Variants in FAT3 observed in about 807,000 individuals in gnomAD.
The protein encoded by FAT3 is FAT atypical cadherin 3.
FAT3 carries 95 observed loss-of-function variants against 310.2 expected under a neutral mutation model. The observed-to-expected ratio is 0.31, with a 90% CI of 0.26 to 0.36. The LOEUF is 0.36. Among genes scored for constraint, FAT3 ranks in the 10% least tolerant of loss-of-function variants. The pLI is 1.00. For synonymous variants in FAT3, 2,314 were observed against 2,192.9 expected, an observed-to-expected ratio of 1.06 and a Z score of -1.54; for missense variants, 5,408 against 5,715.6, an observed-to-expected ratio of 0.95 and a Z score of 1.74.
intron 1 of FAT3, among the ~76,000 whole-genome samples, chr11:92,244,640 G>A (rs1163176644): frequency 6.6e-6 from 1 of 152,200 alleles, no homozygotes; most frequent in East Asian, 1.9e-4. Context: ...AAACTTTAAT[G>A]AGCATCAGAA....
intron 2 of FAT3, among the ~76,000 whole-genome samples, chr11:92,412,246 G>A (rs909082887): frequency 2.0e-5 from 3 of 151,756 alleles, no homozygotes; most frequent in African/African-American, 7.3e-5. Flanking sequence ...GGGATTACAG[G>A]TGCGTGCCAC....
intron 21 of FAT3, among the ~76,000 whole-genome samples, 183 bp downstream of exon 21, chr11:92,859,505 T>C (rs544936409): frequency 5.3e-5 from 8 of 152,280 alleles, no homozygotes; most frequent in Admixed American, 5.2e-4. Flanking sequence ...CTTTTGAACA[T>C]TCAGCTTCAA....
At chr11:92,721,200 C>G (rs1944848561) in intron 4 of FAT3, among the ~76,000 whole-genome samples, 1 of 152,062 alleles carries the variant, frequency 6.6e-6, no homozygotes, top group Non-Finnish European at 1.5e-5. Flanking sequence ...TATGGCAAAT[C>G]AGGATAATGC....
intron 2 of FAT3, among the ~76,000 whole-genome samples, chr11:92,514,311 T>C (rs1953405102): frequency 6.6e-6 from 1 of 152,092 alleles, no homozygotes; most frequent in Admixed American, 6.6e-5. Context: ...CAAATAAAGA[T>C]AAAAACAGAA....
chr11:92,339,761 T>G (rs1180597352), intron 1 of FAT3, among the ~76,000 whole-genome samples: 1 of 151,906 alleles, frequency 6.6e-6, no homozygotes, highest in African/African-American at 2.4e-5. Flanking sequence ...CCTGCTCTAC[T>G]AGGATCAAAA....
chr11:92,421,493 CT>C lies in FAT3; in HGVS notation c.3292+66090del, dbSNP rs1950532454. 2.0e-5 allele frequency among the ~76,000 whole-genome samples: 3 copies of C among 152,112 alleles called. No homozygotes were observed. In the South Asian group the frequency reaches 6.2e-4, roughly 32 times the overall value. On this transcript the variant is annotated intron_variant, in intron 2 of 27. Transcript: ENST00000525166. ...TCTGAATTATTTTTTCAGCTTCCCC[CT>C]GTTTTATTGGCAAGTGACCGTGTGT...
chr11:92,631,074 C>T (rs954856944), intron 3 of FAT3, among the ~76,000 whole-genome samples: 1 of 152,184 alleles, frequency 6.6e-6, no homozygotes, highest in Non-Finnish European at 1.5e-5. Context: ...TTATTTCCCT[C>T]CTTCAGGTCT....
At chr11:92,614,729 A>G (rs1443395353) in intron 3 of FAT3, among the ~76,000 whole-genome samples, 2 of 152,200 alleles carry the variant, frequency 1.3e-5, no homozygotes, top group Non-Finnish European at 2.9e-5. Flanking sequence ...AATCCAATTT[A>G]TCTTCTTTCT....
At chr11:92,679,204 C>T (rs1943389397) in intron 3 of FAT3, among the ~76,000 whole-genome samples, 1 of 151,944 alleles carries the variant, frequency 6.6e-6, no homozygotes, top group African/African-American at 2.4e-5. Flanking sequence ...CTGTTGATTC[C>T]TTAGGTTGAT....
At chr11:92,256,165 T>C (rs1037254835) in intron 1 of FAT3, among the ~76,000 whole-genome samples, 3 of 152,132 alleles carry the variant, frequency 2.0e-5, no homozygotes, top group African/African-American at 4.8e-5. Context: ...CCTTTTATTG[T>C]TTCTCTTTGA....
chr11:92,458,749 C>T (rs1199880053), intron 2 of FAT3, among the ~76,000 whole-genome samples: 1 of 152,134 alleles, frequency 6.6e-6, no homozygotes, highest in East Asian at 1.9e-4. Flanking sequence ...AGAAAAATGA[C>T]AAGAGGCAGC....
chr11:92,342,301 C>G (rs1948284849), intron 1 of FAT3, among the ~76,000 whole-genome samples: 1 of 152,158 alleles, frequency 6.6e-6, no homozygotes, highest in African/African-American at 2.4e-5. Flanking sequence ...AGCCTCCCCT[C>G]CCCACCATCC....
intron 2 of FAT3, among the ~76,000 whole-genome samples, chr11:92,431,486 C>G (rs2135027382): frequency 6.6e-6 from 1 of 152,248 alleles, no homozygotes; most frequent in Middle Eastern, 3.4e-3. Context: ...ATGGTAGTTT[C>G]TTTTGCTGTG....
intron 4 of FAT3, among the ~76,000 whole-genome samples, chr11:92,723,583 T>C (rs936273102): frequency 6.6e-6 from 1 of 152,220 alleles, no homozygotes; most frequent in East Asian, 1.9e-4. Flanking sequence ...CAATTTACTG[T>C]ATTAGTCTGT....
intron 2 of FAT3, among the ~76,000 whole-genome samples, chr11:92,420,721 G>C (rs1444136558): frequency 6.6e-6 from 1 of 151,934 alleles, no homozygotes; most frequent in Non-Finnish European, 1.5e-5. Context: ...TAAAACAAGG[G>C]AAAAATATAC....
chr11:92,824,326 C>T (rs1166001201), intron 13 of FAT3, among the ~76,000 whole-genome samples: 1 of 151,966 alleles, frequency 6.6e-6, no homozygotes, highest in Non-Finnish European at 1.5e-5. Flanking sequence ...CACTGCACTC[C>T]AGCCTGGGTG....
chr11:92,654,796 C>T (rs933779549), intron 3 of FAT3, among the ~76,000 whole-genome samples: 2 of 152,162 alleles, frequency 1.3e-5, no homozygotes, highest in African/African-American at 4.8e-5. Context: ...CTAAAGTAAT[C>T]TTTTTGAAAG....
intron 1 of FAT3, among the ~76,000 whole-genome samples, chr11:92,293,063 A>C (rs1946735379): frequency 6.9e-6 from 1 of 144,470 alleles, no homozygotes; most frequent in South Asian, 2.1e-4. Context: ...GAAGGAAGGA[A>C]GGAAGGAAGG....
chr11:92,720,636 G>A (rs1001001134), intron 4 of FAT3, among the ~76,000 whole-genome samples: 1 of 152,162 alleles, frequency 6.6e-6, no homozygotes, highest in African/African-American at 2.4e-5. Context: ...TTAGAAATGT[G>A]CCACGTACCC....
Sources: gnomAD v4.1 joint callset for allele counts (sites outside exome capture counted in the v4.1 genomes callset) on GRCh38, gnomAD v4.1.1 for gene constraint, MANE v1.5 for transcripts, NCBI Gene and HGNC (gene_info 2026-07-23, HGNC 2026-07-21) for gene names.